SCTR: variants seen among roughly 807,000 people sequenced by gnomAD.
SCTR encodes the protein secretin receptor.
In SCTR, 56 loss-of-function variants were observed where a neutral mutation model predicts 60.8. The ratio of observed to expected loss-of-function variants is 0.92; its 90% confidence interval spans 0.74 to 1.15. The LOEUF is 1.15. SCTR is among the 50% of genes most tolerant of loss of function. The probability of loss-of-function intolerance (pLI) is 0.00; values close to 1 mark genes in which losing one functional copy is unlikely to be tolerated. For synonymous variants in SCTR, 202 were observed against 217.0 expected (o/e 0.93, Z 0.61); for missense variants, 562 against 550.4 (o/e 1.02, Z -0.21).
At chr2:119,523,559 A>AG (rs1223005632) in intron 1 of SCTR, among the ~76,000 whole-genome samples, 1 of 151,844 alleles carries the variant, frequency 6.6e-6, no homozygotes, top group Non-Finnish European at 1.5e-5. Context: ...GGAGAGCGGC[A>AG]GGCGGTCCCA....
intron 7 of SCTR, among the ~76,000 whole-genome samples, chr2:119,454,636 C>T (rs1479667098): frequency 6.6e-6 from 1 of 151,944 alleles, no homozygotes; most frequent in Admixed American, 6.5e-5. Context: ...GGTGGATCAC[C>T]CGAGGTCAGG....
chr2:119,494,915 GT>G (rs1162500129), intron 1 of SCTR, among the ~76,000 whole-genome samples: 1 of 152,118 alleles, frequency 6.6e-6, no homozygotes, highest in Non-Finnish European at 1.5e-5. Context: ...AAAGCTTAGT[GT>G]TTTTTGTTTT....
chr2:119,492,960 C>T (rs898543375), intron 2 of SCTR, among the ~76,000 whole-genome samples: 6 of 152,030 alleles, frequency 3.9e-5, no homozygotes, highest in Admixed American at 6.6e-5. Context: ...CGTGCTCAAG[C>T]GATTCTCCTG....
At chr2:119,499,290 ACTCTT>A (rs1235218888) in intron 1 of SCTR, among the ~76,000 whole-genome samples, 1 of 152,054 alleles carries the variant, frequency 6.6e-6, no homozygotes, top group Non-Finnish European at 1.5e-5. Flanking sequence ...GAGACTACAC[ACTCTT>A]CTCTTAACAA....
chr2:119,456,840 G>A (rs1221909474), intron 7 of SCTR, among the ~76,000 whole-genome samples: 1 of 152,108 alleles, frequency 6.6e-6, no homozygotes, highest in Non-Finnish European at 1.5e-5. Flanking sequence ...AGAGAGAGAA[G>A]ACACAGAGGA....
At chr2:119,510,418 G>T (rs1678894274) in intron 1 of SCTR, among the ~76,000 whole-genome samples, 1 of 152,166 alleles carries the variant, frequency 6.6e-6, no homozygotes, top group Non-Finnish European at 1.5e-5. Context: ...AGGGACTGGG[G>T]TCCCCAGGGT....
intron 1 of SCTR, among the ~76,000 whole-genome samples, chr2:119,519,965 C>T (rs1679240436): frequency 6.6e-6 from 1 of 151,776 alleles, no homozygotes; most frequent in African/African-American, 2.4e-5. Flanking sequence ...GTGTCAGTTT[C>T]CTCATCTGCA....
At chr2:119,443,491 T>G (rs190186513) in intron 11 of SCTR, among the ~76,000 whole-genome samples, 1 of 152,374 alleles carries the variant, frequency 6.6e-6, no homozygotes, top group East Asian at 1.9e-4. Context: ...AAACTTTTCC[T>G]TATTTCCCAA....
At chr2:119,453,750 T>C (rs1321784241) in intron 7 of SCTR, among the ~76,000 whole-genome samples, 1 of 152,042 alleles carries the variant, frequency 6.6e-6, no homozygotes, top group Non-Finnish European at 1.5e-5. Flanking sequence ...GAGGAGGAAG[T>C]GGAGAAGGGG....
intron 2 of SCTR, among the ~76,000 whole-genome samples, chr2:119,489,997 G>A (rs1678052048): frequency 6.6e-6 from 1 of 152,216 alleles, no homozygotes; most frequent in South Asian, 2.1e-4. Flanking sequence ...GGAATTTCAG[G>A]CATTGTCCTT....
At chr2:119,483,447 C>G (rs1573879249) in intron 2 of SCTR, among the ~76,000 whole-genome samples, 1 of 152,168 alleles carries the variant, frequency 6.6e-6, no homozygotes, top group African/African-American at 2.4e-5. Flanking sequence ...TGGCAGCAGA[C>G]CTGGCTGCTA....
chr2:119,444,428 TGA>T (rs1682811632), intron 11 of SCTR, among the ~76,000 whole-genome samples: 1 of 117,686 alleles, frequency 8.5e-6, no homozygotes, highest in African/African-American at 3.4e-5. Context: ...CATATACGTA[TGA>T]ATATACACAT....
chr2:119,512,107 A>G (rs1678965242), intron 1 of SCTR, among the ~76,000 whole-genome samples: 1 of 152,210 alleles, frequency 6.6e-6, no homozygotes, highest in Admixed American at 6.5e-5. Flanking sequence ...CAGCATTTCA[A>G]TCTGAAGACT....
At chr2:119,508,322 A>G (rs1437232955) in intron 1 of SCTR, among the ~76,000 whole-genome samples, 1 of 148,212 alleles carries the variant, frequency 6.7e-6, no homozygotes, top group African/African-American at 2.5e-5. Flanking sequence ...TCCACATTCC[A>G]TCATATTCTC....
At chr2:119,461,585 C>T (rs1382058078) in intron 7 of SCTR, among the ~76,000 whole-genome samples, 2 of 152,108 alleles carry the variant, frequency 1.3e-5, no homozygotes, top group Non-Finnish European at 2.9e-5. Flanking sequence ...GTGGCACATG[C>T]CTGTAATCCC....
At chr2:119,490,015 G>A (rs1199841793) in intron 2 of SCTR, among the ~76,000 whole-genome samples, 1 of 152,238 alleles carries the variant, frequency 6.6e-6, no homozygotes, top group Non-Finnish European at 1.5e-5. Flanking sequence ...CTTGGGGACA[G>A]GAGGTGGGGG....
At chr2:119,472,855 G>A (rs182264338) in intron 4 of SCTR, among the ~76,000 whole-genome samples, 1 of 152,162 alleles carries the variant, frequency 6.6e-6, no homozygotes, top group East Asian at 1.9e-4. Flanking sequence ...TGTTGCCCTG[G>A]CCTCAGGCAA....
intron 3 of SCTR, among the ~76,000 whole-genome samples, chr2:119,478,232 A>G (rs952116855): frequency 2.0e-5 from 3 of 152,230 alleles, no homozygotes; most frequent in Admixed American, 2.0e-4. Flanking sequence ...TTTATGATGA[A>G]TAAATGAGCC....
chr2:119,522,498 T>C (rs1434392436), intron 1 of SCTR, among the ~76,000 whole-genome samples: 1 of 152,076 alleles, frequency 6.6e-6, no homozygotes, highest in Non-Finnish European at 1.5e-5. Flanking sequence ...AGTCTCAGTG[T>C]GCTCATTTTT....
Sources: allele counts gnomAD v4.1 joint callset (sites outside exome capture counted in the v4.1 genomes callset), GRCh38; gene constraint gnomAD v4.1.1; transcripts MANE v1.5; gene names NCBI Gene and HGNC (gene_info 2026-07-23, HGNC 2026-07-21).